CEP135: variants seen among roughly 807,000 people sequenced by gnomAD.
The protein encoded by CEP135 is centrosomal protein of 135 kDa.
CEP135 carries 142 observed loss-of-function variants against 157.3 expected under a neutral mutation model. The ratio of observed to expected loss-of-function variants is 0.90; its 90% confidence interval spans 0.79 to 1.04. CEP135 has a LOEUF of 1.04. Ranked by LOEUF, CEP135 falls within the 50% of genes least tolerant of loss-of-function variation. The pLI, the probability that CEP135 is intolerant of heterozygous loss-of-function variation, is 0.00. For missense variants in CEP135, 1,317 were observed against 1,309.2 expected (o/e 1.01, Z -0.09); for synonymous variants, 396 against 439.8 (o/e 0.90, Z 1.25).
At chr4:55,968,374 GTT>G (rs34188517) in intron 8 of CEP135, among the ~76,000 whole-genome samples, 4,127 of 130,574 alleles carry the variant, frequency 0.032, 70 homozygotes, top group Admixed American at 0.07. Flanking sequence ...TCCCAGTGGT[GTT>G]TTTTTTTTTT....
intron 25 of CEP135, 84 bp from the exon 26 acceptor site, chr4:56,031,274 CAT>C (rs1346156077): frequency 1.3e-5 from 2 of 152,560 alleles, no homozygotes; most frequent in African/African-American, 4.8e-5. Context: ...TCATTTATAA[CAT>C]TATTGAATTT....
chr4:56,012,087 T>C (rs2109734915), intron 21 of CEP135, 102 bp downstream of exon 21: 1 of 771,182 alleles, frequency 1.3e-6, no homozygotes, highest in South Asian at 3.7e-5. Flanking sequence ...AGATGAAGTC[T>C]GACTCTGTTG....
chr4:55,984,279 A>G (rs1729503968), intron 13 of CEP135, among the ~76,000 whole-genome samples: 1 of 152,164 alleles, frequency 6.6e-6, no homozygotes, highest in Admixed American at 6.5e-5. Context: ...TACATAGACT[A>G]TTGAAAGATT....
At chr4:55,968,390 T>G (rs1056395440) in intron 8 of CEP135, among the ~76,000 whole-genome samples, 1 of 140,438 alleles carries the variant, frequency 7.1e-6, no homozygotes, top group Non-Finnish European at 1.6e-5. Context: ...TTTTTTTTTT[T>G]GCAAAAATAG....
At chr4:55,999,931 T>C (rs1370724687) in intron 17 of CEP135, among the ~76,000 whole-genome samples, 1 of 152,262 alleles carries the variant, frequency 6.6e-6, no homozygotes, top group Non-Finnish European at 1.5e-5. Flanking sequence ...GGCTCACACC[T>C]GCAATCCCAG....
chr4:56,001,846 C>G (rs151047456), intron 17 of CEP135, among the ~76,000 whole-genome samples: 1 of 152,030 alleles, frequency 6.6e-6, no homozygotes, highest in African/African-American at 2.4e-5. Context: ...GTATTATTAT[C>G]ATTTTAACAA....
chr4:55,958,681 T>C (rs1377944240), intron 5 of CEP135, among the ~76,000 whole-genome samples: 1 of 152,202 alleles, frequency 6.6e-6, no homozygotes, highest in Non-Finnish European at 1.5e-5. Flanking sequence ...GTTGCATACA[T>C]ACTCTTCTCC....
At chr4:56,017,535 G>A (rs1730815735) in intron 21 of CEP135, 113 bp from the exon 22 acceptor site, 1 of 871,986 alleles carries the variant, frequency 1.1e-6, no homozygotes, top group Non-Finnish European at 1.7e-6. Context: ...TTTAAAATAA[G>A]CAAAAATTGG....
chr4:55,987,678 A>G (rs1174513704), intron 14 of CEP135, among the ~76,000 whole-genome samples: 1 of 152,016 alleles, frequency 6.6e-6, no homozygotes, highest in Non-Finnish European at 1.5e-5. Flanking sequence ...GGTCTCTATC[A>G]CTCCAGCTTG....
intron 15 of CEP135, 130 bp downstream of exon 15, chr4:55,992,215 AC>A: frequency 5.5e-6 from 4 of 725,854 alleles, no homozygotes; most frequent in Non-Finnish European, 8.6e-6. Flanking sequence ...CAGTAGACTC[AC>A]CTGGGAGCTT....
chr4:55,996,404 G>C (rs74462891), intron 15 of CEP135, among the ~76,000 whole-genome samples: 1 of 152,312 alleles, frequency 6.6e-6, no homozygotes, highest in Non-Finnish European at 1.5e-5. Context: ...AAGTTATCTG[G>C]ATGCTTAAGA....
chr4:55,976,930 G>A (rs550055746), intron 11 of CEP135, among the ~76,000 whole-genome samples: 8 of 152,032 alleles, frequency 5.3e-5, no homozygotes, highest in East Asian at 3.9e-4. Context: ...ACACCTTAGC[G>A]TACTGAGTAG....
intron 1 of CEP135, among the ~76,000 whole-genome samples, chr4:55,950,098 G>C (rs967768643): frequency 1.3e-5 from 2 of 151,772 alleles, no homozygotes; most frequent in Admixed American, 6.6e-5. Context: ...GGTGTCTCTT[G>C]TGGAAAGAAC....
chr4:56,029,054 T>G (rs1731246268), intron 25 of CEP135, among the ~76,000 whole-genome samples: 1 of 152,150 alleles, frequency 6.6e-6, no homozygotes, highest in Non-Finnish European at 1.5e-5. Flanking sequence ...AGGGAAACAT[T>G]TTTACATTTA....
rs1729396940 is a variant in CEP135, at chr4:55,981,277, A to ACC, written c.1680_1681dup (p.His561ProfsTer19). ...GAAAGGAATCCACCCAAACCACAGC[A>ACC]CCCCATAATATTGTTAGTCTTATGG... On this transcript the variant is annotated frameshift_variant, in exon 13 of 26. Coordinates refer to ENST00000257287, the MANE Select transcript of CEP135 (RefSeq NM_025009.5). LOFTEE classifies it high-confidence loss of function. 6.3e-7 allele frequency: 1 copy of ACC among 1,597,982 alleles called. No homozygotes were observed.
Position 56,033,110 on chromosome 4 carries a change from AT to A in CEP135, c.*1763del, listed in dbSNP as rs1268359971. The stretch of plus-strand genomic sequence containing the variant: ...TAAATATATGTAAATAAAATAAAAA[AT>A]ATTTGTCTCCACCTTTTCCCCAAAA... On this transcript the variant is annotated 3_prime_UTR_variant, in exon 26 of 26. Transcript: ENST00000257287. 2 of 152,222 alleles carry A rather than the reference AT, an allele frequency of 1.3e-5. No homozygotes were observed. Among genetic ancestry groups the A allele is most frequent in the East Asian group, 3.9e-4 (2 of 5,188 alleles). The allele number at this position is 152,222 out of a possible 1,614,324, so 9.4% of individuals were successfully genotyped here. A position where few individuals can be genotyped will look rare whatever the true frequency, so the allele number is the denominator to read the frequency against.
In CEP135 at chr4:55,985,293, G is replaced by A. The variant is rs755211249; in HGVS notation, c.1792G>A (p.Val598Met). 4.4e-6 allele frequency: 7 copies of A among 1,575,336 alleles called. No homozygotes were observed. Among genetic ancestry groups the A allele is most frequent in the African/African-American group, 1.4e-5 (1 of 74,048 alleles). ...CATTCTTTTTCAGCATATTGAAGAA[G>A]TGAGTCTTTTTGGAAAATCAGAATT... ...LREKLEHIEE[V>M]SLFGKSELEK... Residue 598 changes from valine (V) to methionine (M), a missense_variant, in exon 14 of 26, where the codon GTG becomes ATG. By Grantham distance (21) the Val-to-Met change is conservative. Coordinates refer to ENST00000257287, the MANE Select transcript of CEP135 (RefSeq NM_025009.5).
Position 56,017,671 on chromosome 4 carries a change from T to TG in CEP135, c.2827dup (p.Glu943GlyfsTer24). 2 of 1,609,466 alleles carry TG rather than the reference T, an allele frequency of 1.2e-6. No individual in the cohort carries two copies. Among genetic ancestry groups the TG allele is most frequent in the Non-Finnish European group, 8.5e-7 (1 of 1,178,328 alleles). On this transcript the variant is annotated frameshift_variant, in exon 22 of 26. Coordinates refer to ENST00000257287, the MANE Select transcript of CEP135 (RefSeq NM_025009.5). LOFTEE classifies it high-confidence loss of function. ...AGCACATAAATGCCCATCATGCTTA[T>TG]GAATCTCAGATCTCATCAATGGCAA...
chr4:55,989,775 A>G (rs1729723589), intron 14 of CEP135, among the ~76,000 whole-genome samples: 1 of 152,254 alleles, frequency 6.6e-6, no homozygotes, highest in Non-Finnish European at 1.5e-5. Flanking sequence ...ACATCAAGGC[A>G]TTAGAAATTA....
Sources: gnomAD v4.1 joint callset for allele counts (sites outside exome capture counted in the v4.1 genomes callset) on GRCh38, gnomAD v4.1.1 for gene constraint, MANE v1.5 for transcripts, NCBI Gene and HGNC (gene_info 2026-07-23, HGNC 2026-07-21) for gene names.